ME3: variants seen among roughly 807,000 people sequenced by gnomAD.
The protein encoded by ME3 is malic enzyme 3.
In ME3, 48 loss-of-function variants were observed where a neutral mutation model predicts 68.9. The observed-to-expected ratio is 0.70, with a 90% CI of 0.55 to 0.89. The LOEUF (loss-of-function observed/expected upper bound fraction) is 0.89. ME3 is among the 40% of genes least tolerant of loss of function. The probability of loss-of-function intolerance (pLI) is 0.00; values close to 1 mark genes in which losing one functional copy is unlikely to be tolerated. For missense variants in ME3, 675 were observed against 797.4 expected (o/e 0.85, Z 1.85); for synonymous variants, 320 against 318.8 (o/e 1.00, Z -0.04).
At chr11:86,624,297 T>G (rs1227859428) in intron 2 of ME3, among the ~76,000 whole-genome samples, 1 of 152,220 alleles carries the variant, frequency 6.6e-6, no homozygotes, top group Non-Finnish European at 1.5e-5. Context: ...CTATTTCTCT[T>G]AATCTAGATA....
chr11:86,566,384 G>A (rs536631453), intron 2 of ME3, among the ~76,000 whole-genome samples: 12 of 152,294 alleles, frequency 7.9e-5, no homozygotes, highest in African/African-American at 2.9e-4. Context: ...TTTCCTTGGG[G>A]AAAGGAAACT....
chr11:86,448,377 G>T, intron 10 of ME3, 122 bp from the exon 11 acceptor site: 2 of 697,018 alleles, frequency 2.9e-6, no homozygotes, highest in Non-Finnish European at 5.0e-6. Context: ...TGAGCTGTCA[G>T]ATGTTTTGGG....
chr11:86,458,221 A>C (rs941385534), intron 8 of ME3, among the ~76,000 whole-genome samples: 1 of 152,240 alleles, frequency 6.6e-6, no homozygotes, highest in South Asian at 2.1e-4. Context: ...TAGGCCTTGA[A>C]TAAATAAAGA....
chr11:86,638,720 C>T (rs1052813549), intron 2 of ME3, among the ~76,000 whole-genome samples: 10 of 152,170 alleles, frequency 6.6e-5, no homozygotes, highest in Non-Finnish European at 1.3e-4. Flanking sequence ...CTCAAAACAA[C>T]CTTAGGAGGT....
intron 4 of ME3, among the ~76,000 whole-genome samples, 173 bp from the exon 5 acceptor site, chr11:86,509,040 A>T (rs1297488894): frequency 6.6e-6 from 1 of 152,122 alleles, no homozygotes; most frequent in African/African-American, 2.4e-5. Flanking sequence ...CTTTCTTCCA[A>T]TTGCTTCTCT....
chr11:86,580,531 G>A (rs1183558648), intron 2 of ME3, among the ~76,000 whole-genome samples: 1 of 152,068 alleles, frequency 6.6e-6, no homozygotes, highest in Non-Finnish European at 1.5e-5. Flanking sequence ...CTCAGTTTGT[G>A]GGTCTGTATT....
At chr11:86,574,274 G>A (rs910763667) in intron 2 of ME3, among the ~76,000 whole-genome samples, 12 of 151,956 alleles carry the variant, frequency 7.9e-5, no homozygotes, top group African/African-American at 2.9e-4. Context: ...AGATCATTTG[G>A]AGGAGAAGAG....
intron 4 of ME3, among the ~76,000 whole-genome samples, chr11:86,543,542 C>T (rs545775657): frequency 5.9e-5 from 9 of 152,128 alleles, no homozygotes; most frequent in African/African-American, 2.2e-4. Flanking sequence ...CTAGAAAGAT[C>T]AAAAAAGACC....
At chr11:86,548,082 C>G (rs1462002561) in intron 4 of ME3, among the ~76,000 whole-genome samples, 1 of 152,240 alleles carries the variant, frequency 6.6e-6, no homozygotes, top group African/African-American at 2.4e-5. Context: ...CCCACCCAAA[C>G]TCATGGATGG....
At chr11:86,636,168 C>T (rs758756470) in intron 2 of ME3, among the ~76,000 whole-genome samples, 1 of 151,980 alleles carries the variant, frequency 6.6e-6, no homozygotes, top group Non-Finnish European at 1.5e-5. Context: ...GTGTTGGGGG[C>T]AGGGCGGGGT....
At chr11:86,489,126 T>G (rs1951851709) in intron 6 of ME3, 1 of 152,172 alleles carries the variant, frequency 6.6e-6, no homozygotes. Flanking sequence ...ACCAAAAATA[T>G]AAGTTCCTAG....
intron 2 of ME3, among the ~76,000 whole-genome samples, chr11:86,644,478 G>C (rs1410362414): frequency 6.6e-6 from 1 of 152,124 alleles, no homozygotes; most frequent in African/African-American, 2.4e-5. Context: ...TTTCCACCCT[G>C]ATTTTATGCA....
intron 10 of ME3, among the ~76,000 whole-genome samples, chr11:86,448,660 T>A (rs1949458383): frequency 6.6e-6 from 1 of 152,178 alleles, no homozygotes; most frequent in Non-Finnish European, 1.5e-5. Flanking sequence ...GTCAGGGAGC[T>A]AATTTGAATA....
At position 86,525,755 on chromosome 11, in the gene ME3, G is replaced by C. The variant is rs747668613; in HGVS notation, c.468-16888C>G. Among the ~76,000 whole-genome samples, 50 of 151,954 alleles carry C rather than the reference G, an allele frequency of 3.3e-4. 1 individual carries two copies. The highest frequency in any genetic ancestry group is 2.0e-4 in the Admixed American group (3 of 15,256). Reference sequence around the variant, plus strand: ...AGGTGCATATAATCTCAGTTACCGAGGGAGACCGAGGTAAGAGAATTGCTT... The same window carrying C: ...AGGTGCATATAATCTCAGTTACCGACGGAGACCGAGGTAAGAGAATTGCTT... On this transcript the variant is annotated intron_variant, in intron 4 of 14. Coordinates refer to ENST00000543262, the Ensembl canonical transcript of ME3.
intron 2 of ME3, among the ~76,000 whole-genome samples, chr11:86,586,417 T>A (rs1010743685): frequency 7.9e-5 from 12 of 152,190 alleles, no homozygotes; most frequent in African/African-American, 2.7e-4. Flanking sequence ...ATCACTGATT[T>A]CTGACATGGT....
intron 4 of ME3, among the ~76,000 whole-genome samples, chr11:86,554,209 A>G (rs1364516723): frequency 6.6e-6 from 1 of 152,174 alleles, no homozygotes; most frequent in East Asian, 1.9e-4. Context: ...AAGCCACTAC[A>G]ATCTAGTTTC....
chr11:86,670,481 T>C (rs1946855832), intron 2 of ME3, among the ~76,000 whole-genome samples: 1 of 152,226 alleles, frequency 6.6e-6, no homozygotes, highest in African/African-American at 2.4e-5. Context: ...AGTTTGTATT[T>C]TCTAACGCTT....
chr11:86,671,690 CA>C, intron 2 of ME3, 71 bp downstream of exon 2: 1 of 1,568,364 alleles, frequency 6.4e-7, no homozygotes, highest in South Asian at 1.2e-5. Flanking sequence ...TTTCTGGGTC[CA>C]GGGGGCGGGG....
At chr11:86,670,777 T>C (rs1351263136) in intron 2 of ME3, among the ~76,000 whole-genome samples, 1 of 152,242 alleles carries the variant, frequency 6.6e-6, no homozygotes, top group Non-Finnish European at 1.5e-5. Context: ...AAATTTATTT[T>C]GCAGTAATTG....
Sources: gnomAD v4.1 joint callset for allele counts (sites outside exome capture counted in the v4.1 genomes callset) on GRCh38, gnomAD v4.1.1 for gene constraint, MANE v1.5 for transcripts, NCBI Gene and HGNC (gene_info 2026-07-23, HGNC 2026-07-21) for gene names.